The following MYCBP2 variants were observed in gnomAD, a reference collection of about 807,000 sequenced individuals.
MYCBP2 encodes MYC binding protein 2.
In MYCBP2, 120 loss-of-function variants were observed where a neutral mutation model predicts 525.3. The observed-to-expected ratio is 0.23, with a 90% confidence interval of 0.20 to 0.27. MYCBP2 has a LOEUF of 0.27. Among genes scored for constraint, MYCBP2 ranks in the 10% least tolerant of loss-of-function variants. MYCBP2 has a pLI of 1.00. For missense variants in MYCBP2, 4,149 were observed against 5,657.1 expected (o/e 0.73, Z 8.55); for synonymous variants, 1,894 against 1,955.8 (o/e 0.97, Z 0.83).
chr13:77,315,186 G>C (rs1476888400), intron 1 of MYCBP2, among the ~76,000 whole-genome samples: 2 of 152,162 alleles, frequency 1.3e-5, no homozygotes, highest in African/African-American at 4.8e-5. Flanking sequence ...GGACCAGATG[G>C]TGCCACTGGT....
intron 15 of MYCBP2, among the ~76,000 whole-genome samples, chr13:77,249,214 G>A (rs952323276): frequency 6.6e-5 from 10 of 152,178 alleles, no homozygotes; most frequent in African/African-American, 2.4e-4. Flanking sequence ...ACAACATTAT[G>A]AATGGATTTA....
intron 52 of MYCBP2, among the ~76,000 whole-genome samples, chr13:77,130,086 T>G (rs771852133): frequency 2.0e-5 from 3 of 151,832 alleles, no homozygotes; most frequent in Non-Finnish European, 4.4e-5. Context: ...CGTAGTTATC[T>G]CATGCTATCA....
intron 36 of MYCBP2, 35 bp downstream of exon 36, chr13:77,176,462 T>A: frequency 1.3e-6 from 2 of 1,528,076 alleles, no homozygotes; most frequent in Non-Finnish European, 1.8e-6. Context: ...TAATAATACC[T>A]CTTATTCACA....
chr13:77,253,037 T>A (rs2071499411), intron 14 of MYCBP2, among the ~76,000 whole-genome samples: 1 of 151,958 alleles, frequency 6.6e-6, no homozygotes, highest in African/African-American at 2.4e-5. Flanking sequence ...CAAAAATTTA[T>A]AAAGAAAAAG....
At chr13:77,068,944 T>A in intron 69 of MYCBP2, 113 bp from the exon 70 acceptor site, 1 of 1,033,280 alleles carries the variant, frequency 9.7e-7, no homozygotes, top group Non-Finnish European at 1.4e-6. Context: ...ATACTCAATT[T>A]AATACTATTC....
chr13:77,089,069 A>G, intron 60 of MYCBP2, 38 bp from the exon 61 acceptor site: 4 of 1,438,670 alleles, frequency 2.8e-6, no homozygotes, highest in Non-Finnish European at 3.8e-6. Context: ...TTTCATAGGC[A>G]GTGCATATAT....
chr13:77,214,153 C>T (rs2154286028), intron 21 of MYCBP2, among the ~76,000 whole-genome samples: 1 of 152,330 alleles, frequency 6.6e-6, no homozygotes, highest in East Asian at 1.9e-4. Flanking sequence ...ACCCATCAGA[C>T]TGGCACAAAT....
chr13:77,121,285 G>T, intron 55 of MYCBP2, 88 bp downstream of exon 55: 2 of 1,168,252 alleles, frequency 1.7e-6, no homozygotes, highest in Non-Finnish European at 1.1e-6. Flanking sequence ...AAGATTTCTG[G>T]GTGAACACAA....
At chr13:77,078,949 G>T in intron 65 of MYCBP2, 60 bp from the exon 66 acceptor site, 2 of 1,397,904 alleles carry the variant, frequency 1.4e-6, no homozygotes, top group Admixed American at 1.7e-5. Flanking sequence ...ACTTACAATG[G>T]TTTCTCATGA....
At chr13:77,064,919 TC>T (rs1413550891) in intron 72 of MYCBP2, among the ~76,000 whole-genome samples, 185 bp from the exon 73 acceptor site, 1 of 152,158 alleles carries the variant, frequency 6.6e-6, no homozygotes, top group Non-Finnish European at 1.5e-5. Flanking sequence ...AAATTCAACT[TC>T]TAATCATCAT....
chr13:77,091,912 C>G (rs1006850802), intron 59 of MYCBP2, among the ~76,000 whole-genome samples: 2 of 152,020 alleles, frequency 1.3e-5, no homozygotes, highest in South Asian at 2.1e-4. Context: ...AGCCTCAAAA[C>G]AGTTTCTAAC....
chr13:77,076,929 C>T (rs191178777), intron 67 of MYCBP2, 80 bp from the exon 68 acceptor site: 155 of 1,209,214 alleles, frequency 1.3e-4, no homozygotes, highest in African/African-American at 1.1e-3. Flanking sequence ...TAGCTGATTC[C>T]GCAGGTTTTA....
chr13:77,151,073 G>A (rs1345705423), intron 46 of MYCBP2, 124 bp from the exon 47 acceptor site: 4 of 782,386 alleles, frequency 5.1e-6, no homozygotes, highest in Admixed American at 2.6e-5. Context: ...GTCTGTCTCT[G>A]GCATTCCCTT....
chr13:77,148,656 T>G (rs376829233), intron 47 of MYCBP2, among the ~76,000 whole-genome samples: 41 of 152,126 alleles, frequency 2.7e-4, no homozygotes, highest in African/African-American at 8.4e-4. Flanking sequence ...GTTTTATCCA[T>G]GCTCATATGA....
rs573133532 is a variant in MYCBP2 at position 77,268,032 on chromosome 13, C to A, written c.1261-95G>T. On this transcript the variant is annotated intron_variant, in intron 7 of 82. Coordinates refer to ENST00000544440, the MANE Select transcript of MYCBP2 (RefSeq NM_015057.5). ...CTCCATATTACAGGTTTTTGAGGTA[C>A]AATAATACATCAATATTGATGTCTA... 27 of 642,762 alleles carry A rather than the reference C, an allele frequency of 4.2e-5. 1 individual carries two copies. The highest frequency in any genetic ancestry group is 6.8e-5 in the Non-Finnish European group (25 of 366,724). 39.8% of individuals were successfully genotyped at this position (642,762 alleles called of 1,614,324 possible). A position where few individuals can be genotyped will look rare whatever the true frequency, so the allele number is the denominator to read the frequency against.
intron 35 of MYCBP2, 130 bp from the exon 36 acceptor site, chr13:77,176,758 C>G: frequency 1.3e-6 from 1 of 774,934 alleles, no homozygotes; most frequent in Non-Finnish European, 1.8e-6. Context: ...AGTATTTTCC[C>G]ATACATATGA....
At chr13:77,065,109 G>A (rs991762554) in intron 72 of MYCBP2, among the ~76,000 whole-genome samples, 10 of 152,110 alleles carry the variant, frequency 6.6e-5, no homozygotes, top group Admixed American at 2.0e-4. Context: ...CTTTAGATGA[G>A]TATTACAGGA....
In MYCBP2 at chr13:77,327,068, C is replaced by G; in HGVS notation, c.-293G>C. On this transcript the variant is annotated 5_prime_UTR_variant, in exon 1 of 83. Transcript: ENST00000544440. ...CCACCACCGCTACCACCGCCACCAC[C>G]GCCGGGGCTACCCGCAATGGGAAGC... 2 of 439,272 alleles carry G rather than the reference C, an allele frequency of 4.6e-6. No individual in the cohort carries two copies. Among genetic ancestry groups the G allele is most frequent in the Non-Finnish European group, 3.9e-6 (1 of 253,418 alleles). The allele number at this position is 439,272 out of a possible 1,614,324, so 27.2% of individuals were successfully genotyped here.
chr13:77,263,210 G>T (rs577454086), intron 10 of MYCBP2, among the ~76,000 whole-genome samples: 1 of 152,040 alleles, frequency 6.6e-6, no homozygotes, highest in South Asian at 2.1e-4. Flanking sequence ...TCATTCTATA[G>T]TTACCTTGAA....
Sources: allele counts gnomAD v4.1 joint callset (sites outside exome capture counted in the v4.1 genomes callset), GRCh38; gene constraint gnomAD v4.1.1; transcripts MANE v1.5; gene names NCBI Gene and HGNC (gene_info 2026-07-23, HGNC 2026-07-21).